The following PREX2 variants were observed in gnomAD, a reference collection of about 807,000 sequenced individuals.
PREX2 encodes the protein phosphatidylinositol-3,4,5-trisphosphate dependent Rac exchange factor 2.
PREX2 carries 107 observed loss-of-function variants against 203.2 expected under a neutral mutation model. The ratio of observed to expected loss-of-function variants is 0.53; its 90% CI spans 0.45 to 0.62. The LOEUF is 0.62. PREX2 is among the 20% of genes least tolerant of loss of function. The pLI is 0.00. For missense variants in PREX2, 1,777 were observed against 1,955.9 expected, an observed-to-expected ratio of 0.91 and a Z score of 1.72; for synonymous variants, 672 against 663.6, an observed-to-expected ratio of 1.01 and a Z score of -0.19.
rs796505403 is a variant in PREX2 at position 67,976,683 on chromosome 8, G to GA, written c.141+24148_141+24149insA. ...CGGGAGAGAGACAGAGAGAGAGACA[G>GA]GAGAGAGACAGAGAGAGAGAGACGG... is the stretch of plus-strand genomic sequence containing the variant. On this transcript the variant is annotated intron_variant, in intron 1 of 39. Coordinates refer to ENST00000288368, the MANE Select transcript of PREX2 (RefSeq NM_024870.4). Among the ~76,000 whole-genome samples, 51 of 65,018 alleles carry GA rather than the reference G, an allele frequency of 7.8e-4. 1 individual carries two copies. Among genetic ancestry groups the GA allele is most frequent in the East Asian group, 1.1e-3 (1 of 946 alleles). The allele number at this position is 65,018 out of a possible 152,430, so 42.7% of individuals were successfully genotyped here. A position where few individuals can be genotyped will look rare whatever the true frequency, so the allele number is the denominator to read the frequency against.
chr8:68,001,837 A>G (rs549697798), intron 1 of PREX2, among the ~76,000 whole-genome samples: 39 of 152,320 alleles, frequency 2.6e-4, no homozygotes, highest in African/African-American at 9.4e-4. Context: ...AAACTAATGC[A>G]GGAACAGAAA....
chr8:68,227,440 G>A (rs1813075900), intron 39 of PREX2, among the ~76,000 whole-genome samples: 1 of 152,190 alleles, frequency 6.6e-6, no homozygotes, highest in Non-Finnish European at 1.5e-5. Flanking sequence ...GCTCAGCTTG[G>A]TAGTACTGAG....
intron 1 of PREX2, among the ~76,000 whole-genome samples, chr8:67,995,888 C>T (rs1806749715): frequency 6.6e-6 from 1 of 152,088 alleles, no homozygotes; most frequent in Admixed American, 6.6e-5. Flanking sequence ...GTATGTTTAA[C>T]TTTATGAGAA....
intron 36 of PREX2, among the ~76,000 whole-genome samples, chr8:68,192,025 G>A (rs537757723): frequency 6.6e-6 from 1 of 152,242 alleles, no homozygotes; most frequent in South Asian, 2.1e-4. Context: ...TGCCATGGTG[G>A]TTTGCTGCAC....
chr8:68,192,840 A>G (rs1812325393), intron 37 of PREX2, among the ~76,000 whole-genome samples: 2 of 152,176 alleles, frequency 1.3e-5, no homozygotes, highest in Non-Finnish European at 2.9e-5. Context: ...GTAGGAGCTG[A>G]CTCAACTAGC....
chr8:68,155,945 A>T (rs1026536590), intron 34 of PREX2, among the ~76,000 whole-genome samples: 4 of 152,242 alleles, frequency 2.6e-5, no homozygotes, highest in African/African-American at 9.6e-5. Flanking sequence ...TGATTTTCTA[A>T]GATTTCAATT....
At chr8:68,161,256 G>A (rs553581136) in intron 35 of PREX2, among the ~76,000 whole-genome samples, 22 of 151,818 alleles carry the variant, frequency 1.4e-4, no homozygotes, top group African/African-American at 4.1e-4. Context: ...CACCACGCCC[G>A]GCTAATTTTT....
chr8:68,207,518 T>C (rs1281409790), intron 37 of PREX2, among the ~76,000 whole-genome samples: 1 of 152,124 alleles, frequency 6.6e-6, no homozygotes, highest in Non-Finnish European at 1.5e-5. Flanking sequence ...CTAGGAAGTA[T>C]GCTAGGGTCT....
intron 1 of PREX2, among the ~76,000 whole-genome samples, chr8:68,003,235 C>G (rs1051825443): frequency 6.6e-6 from 1 of 152,016 alleles, no homozygotes; most frequent in Non-Finnish European, 1.5e-5. Context: ...AGGCTGGACT[C>G]AAACTCCTGG....
At chr8:68,072,317 G>A (rs80151613) in intron 13 of PREX2, among the ~76,000 whole-genome samples, 178 bp from the exon 14 acceptor site, 2,335 of 152,190 alleles carry the variant, frequency 0.015, 57 homozygotes, top group African/African-American at 0.046. Flanking sequence ...TTTTTCAGGT[G>A]TTTTACATGC....
chr8:67,969,327 T>C (rs1431893671), intron 1 of PREX2, among the ~76,000 whole-genome samples: 1 of 152,178 alleles, frequency 6.6e-6, no homozygotes, highest in Non-Finnish European at 1.5e-5. Flanking sequence ...AGATCTCTGC[T>C]ACCTTTTAGA....
In PREX2 at chr8:68,109,445, C is replaced by T. The variant is rs1175003351; in HGVS notation, c.2968C>T (p.His990Tyr). 3 of 1,613,814 alleles carry T rather than the reference C, an allele frequency of 1.9e-6. No homozygotes were observed. In the South Asian group the frequency reaches 3.3e-5, roughly 18 times the overall value. The change falls in exon 25 of 40, where the codon CAC becomes TAC. Residue 990 changes from histidine to tyrosine, a missense_variant. By Grantham distance (83) the His-to-Tyr change is moderately conservative (BLOSUM62 2). Transcript: ENST00000288368. ...ACTGAGCCCTATGGTGTACATTCAG[C>T]ACACCATCACAACCATGGCGGCCCC... The part of the protein sequence containing the change: ...GKLSPMVYIQ[H>Y]TITTMAAPSG...
chr8:68,047,777 A>G (rs1301883016), intron 8 of PREX2, among the ~76,000 whole-genome samples: 1 of 151,694 alleles, frequency 6.6e-6, no homozygotes, highest in Non-Finnish European at 1.5e-5. Flanking sequence ...TCTATGTATG[A>G]TAAAATAGTT....
At chr8:68,168,534 C>G (rs1295151476) in intron 35 of PREX2, among the ~76,000 whole-genome samples, 1 of 152,180 alleles carries the variant, frequency 6.6e-6, no homozygotes, top group African/African-American at 2.4e-5. Context: ...GTCAGAATTA[C>G]CTGCTGTATA....
intron 19 of PREX2, among the ~76,000 whole-genome samples, chr8:68,088,223 A>G (rs1288052410): frequency 6.6e-6 from 1 of 152,182 alleles, no homozygotes; most frequent in Non-Finnish European, 1.5e-5. Flanking sequence ...TACTTTTATA[A>G]ACCGTGGTTA....
chr8:68,041,209 T>C (rs927446129), intron 7 of PREX2, among the ~76,000 whole-genome samples: 6 of 152,192 alleles, frequency 3.9e-5, no homozygotes, highest in African/African-American at 1.4e-4. Context: ...AGGTTCAGCA[T>C]TTAGAAAACT....
At chr8:67,960,909 A>G (rs1371275195) in intron 1 of PREX2, among the ~76,000 whole-genome samples, 1 of 151,066 alleles carries the variant, frequency 6.6e-6, no homozygotes, top group Non-Finnish European at 1.5e-5. Flanking sequence ...TAAACACAAC[A>G]TACAAATTTA....
intron 1 of PREX2, among the ~76,000 whole-genome samples, chr8:67,980,980 C>G (rs73256089): frequency 2.0e-5 from 3 of 152,154 alleles, no homozygotes; most frequent in Non-Finnish European, 4.4e-5. Flanking sequence ...TTTGTCCATT[C>G]AACAACCTGG....
At chr8:68,204,678 C>CTTTTTTTTTTTTTTTTTTTTTTTTTTT (rs1192583427) in intron 37 of PREX2, among the ~76,000 whole-genome samples, 8 of 83,424 alleles carry the variant, frequency 9.6e-5, no homozygotes, top group Non-Finnish European at 1.3e-4. Context: ...TTTCTTCTTT[C>CTTTTTTTTTTTTTTTTTTTTTTTTTTT]TTTTTTTTTT....
Sources: allele counts gnomAD v4.1 joint callset (sites outside exome capture counted in the v4.1 genomes callset), GRCh38; gene constraint gnomAD v4.1.1; transcripts MANE v1.5; gene names NCBI Gene and HGNC (gene_info 2026-07-23, HGNC 2026-07-21).